The following YAE1 variants were observed in gnomAD, a reference collection of about 807,000 sequenced individuals.
The protein encoded by YAE1 is YAE1 maturation factor of ABCE1.
YAE1 carries 22 observed loss-of-function variants against 23.0 expected under a neutral mutation model. The ratio of observed to expected loss-of-function variants is 0.96; its 90% CI spans 0.68 to 1.37. The LOEUF is 1.37. Ranked by LOEUF, YAE1 falls within the 40% of genes most tolerant of loss-of-function variation. The probability of loss-of-function intolerance (pLI) is 0.00; values close to 1 mark genes in which losing one functional copy is unlikely to be tolerated. For missense variants in YAE1, 260 were observed against 262.1 expected (o/e 0.99, Z 0.06); for synonymous variants, 101 against 97.0 (o/e 1.04, Z -0.24).
intron 2 of YAE1, among the ~76,000 whole-genome samples, chr7:39,586,624 A>G (rs1187430899): frequency 6.7e-6 from 1 of 150,270 alleles, no homozygotes; most frequent in Non-Finnish European, 1.5e-5. Context: ...CAGCCTCCCA[A>G]GTAGCTGGGA....
At chr7:39,574,092 G>A (rs565969779), downstream of YAE1, among the ~76,000 whole-genome samples, 1 of 151,800 alleles carries the variant, frequency 6.6e-6, no homozygotes, top group Non-Finnish European at 1.5e-5. Flanking sequence ...GCATCTCAAG[G>A]CCACCCTAAG....
intron 2 of YAE1, among the ~76,000 whole-genome samples, chr7:39,580,619 T>G (rs545968817): frequency 6.6e-6 from 1 of 152,322 alleles, no homozygotes; most frequent in South Asian, 2.1e-4. Context: ...TGCACCCTGA[T>G]AAGTTAGCAC....
At chr7:39,587,435 C>T (rs1332008931) in intron 2 of YAE1, among the ~76,000 whole-genome samples, 1 of 151,928 alleles carries the variant, frequency 6.6e-6, no homozygotes, top group East Asian at 1.9e-4. Flanking sequence ...TAATCTTTAC[C>T]ACCCTTGTAC....
At chr7:39,587,890 A>G (rs1790843513) in intron 2 of YAE1, among the ~76,000 whole-genome samples, 1 of 152,218 alleles carries the variant, frequency 6.6e-6, no homozygotes, top group Admixed American at 6.5e-5. Flanking sequence ...ATAACTTAGA[A>G]TAAAATTTAG....
intron 1 of YAE1, chr7:39,566,791 A>C: frequency 4.7e-6 from 2 of 421,880 alleles, no homozygotes; most frequent in East Asian, 4.9e-5. Flanking sequence ...AAAATTAACT[A>C]TGTGTAGACT....
At chr7:39,569,489 C>T (rs1790531797) in intron 1 of YAE1, 1 of 496,638 alleles carries the variant, frequency 2.0e-6, no homozygotes, top group Non-Finnish European at 4.0e-6. Context: ...CTTTATCCGC[C>T]TCTTGTTCTT....
At chr7:39,585,350 T>C (rs1409912202) in intron 2 of YAE1, among the ~76,000 whole-genome samples, 1 of 152,140 alleles carries the variant, frequency 6.6e-6, no homozygotes, top group Non-Finnish European at 1.5e-5. Context: ...CCTAACCCAG[T>C]CTGACCAGTA....
rs1259536257 is a variant in YAE1 at position 39,566,435 on chromosome 7, C to G, written c.17C>G (p.Ala6Gly). Residue 6 changes from alanine (A) to glycine (G), a missense_variant, in exon 1 of 3, where the codon GCA (alanine) becomes GGA (glycine). Ala to Gly is a moderately conservative substitution (Grantham distance 60). Coordinates refer to ENST00000223273, the MANE Select transcript of YAE1 (RefSeq NM_020192.5). ...GCCTCGGTGATGTCGTGGGTTCAAG[C>G]AGCCTCCTTGATCCAGGGCCCTGGA... The part of the protein sequence containing the change: MSWVQ[A>G]ASLIQGPGDK... 1.2e-6 allele frequency: 2 copies of G among 1,613,988 alleles called. No individual in the cohort carries two copies. The highest frequency in any genetic ancestry group is 1.7e-6 in the Non-Finnish European group (2 of 1,179,976).
chr7:39,593,428 A>G (rs896428799), intron 2 of YAE1, among the ~76,000 whole-genome samples: 7 of 151,938 alleles, frequency 4.6e-5, no homozygotes, highest in South Asian at 2.1e-4. Flanking sequence ...TTGTATTTTT[A>G]GTAGAGATGG....
exon 3 of YAE1, chr7:39,609,954 A>G (rs1220242386): frequency 6.6e-7 from 1 of 1,521,992 alleles, no homozygotes; most frequent in African/African-American, 1.4e-5. Flanking sequence ...TTCAACATAT[A>G]ATAGAATCAT....
downstream of YAE1, among the ~76,000 whole-genome samples, chr7:39,574,733 CAA>C (rs574580885): frequency 5.8e-3 from 453 of 78,032 alleles, 1 homozygote; most frequent in African/African-American, 0.016. Context: ...ACTCTGTCTC[CAA>C]AAAAAAAAAA....
intron 2 of YAE1, among the ~76,000 whole-genome samples, chr7:39,587,587 A>G (rs73377373): frequency 0.05 from 7,616 of 152,266 alleles, 629 homozygotes; most frequent in African/African-American, 0.17. Context: ...AACTGACAGC[A>G]GCACTGCTCT....
intron 2 of YAE1, among the ~76,000 whole-genome samples, chr7:39,605,246 A>T (rs991885546): frequency 7.9e-5 from 12 of 152,200 alleles, no homozygotes; most frequent in Non-Finnish European, 1.8e-4. Flanking sequence ...GGTTGTGGTT[A>T]ACCTATGAGC....
intron 2 of YAE1, among the ~76,000 whole-genome samples, chr7:39,592,169 T>C (rs1173077151): frequency 6.6e-6 from 1 of 152,232 alleles, no homozygotes; most frequent in East Asian, 1.9e-4. Flanking sequence ...TGCATGAACA[T>C]AGTTTTCAAC....
intron 1 of YAE1, chr7:39,569,474 ATCT>A: frequency 8.1e-6 from 4 of 495,796 alleles, no homozygotes; most frequent in South Asian, 1.6e-5. Context: ...CTTCTGAAAC[ATCT>A]TCTTTATCCG....
At chr7:39,598,464 T>C (rs113460202) in intron 2 of YAE1, among the ~76,000 whole-genome samples, 6 of 150,250 alleles carry the variant, frequency 4.0e-5, no homozygotes, top group African/African-American at 1.5e-4. Context: ...AATGAAGTTG[T>C]AAATATTGGC....
At chr7:39,578,622 G>GT (rs1177486595) in intron 2 of YAE1, among the ~76,000 whole-genome samples, 1 of 152,132 alleles carries the variant, frequency 6.6e-6, no homozygotes, top group Non-Finnish European at 1.5e-5. Flanking sequence ...TCACCGCGAA[G>GT]GTCTGTAGCT....
chr7:39,578,779 CAGTG>C (rs1365993247), intron 2 of YAE1, among the ~76,000 whole-genome samples: 2 of 152,206 alleles, frequency 1.3e-5, no homozygotes, highest in Admixed American at 1.3e-4. Flanking sequence ...TTCTTGAAGT[CAGTG>C]AGACCAAGAA....
At chr7:39,574,633 T>C (rs960959898), downstream of YAE1, among the ~76,000 whole-genome samples, 7 of 149,654 alleles carry the variant, frequency 4.7e-5, no homozygotes, top group Non-Finnish European at 1.0e-4. Context: ...CTGGGGAGGC[T>C]GAGGCACAAG....
Sources: gnomAD v4.1 joint callset for allele counts (sites outside exome capture counted in the v4.1 genomes callset) on GRCh38, gnomAD v4.1.1 for gene constraint, MANE v1.5 for transcripts, NCBI Gene and HGNC (gene_info 2026-07-23, HGNC 2026-07-21) for gene names.